The following DIXDC1 variants were observed in gnomAD, a reference collection of about 807,000 sequenced individuals.
The protein encoded by DIXDC1 is DIX domain containing 1.
In DIXDC1, 64 loss-of-function variants were observed where a neutral mutation model predicts 103.1. That is an observed-to-expected ratio of 0.62 (90% confidence interval 0.51 to 0.76). The LOEUF is 0.76. Among genes scored for constraint, DIXDC1 ranks in the 30% least tolerant of loss-of-function variants. DIXDC1 has a pLI of 0.00. For missense variants in DIXDC1, 759 were observed against 834.2 expected, an observed-to-expected ratio of 0.91 and a Z score of 1.11; for synonymous variants, 266 against 298.5, an observed-to-expected ratio of 0.89 and a Z score of 1.12.
In DIXDC1 at chr11:111,992,972, G is replaced by T. The variant is rs782668131; in HGVS notation, c.1240G>T (p.Asp414Tyr). The T allele has an allele frequency of 6.2e-7, 1 of 1,608,766 alleles. No individual in the cohort carries two copies. Among genetic ancestry groups the T allele is most frequent in the East Asian group, 2.2e-5 (1 of 44,826 alleles). The change falls in exon 12 of 20, where the codon GAT becomes TAT. Residue 414 changes from aspartate to tyrosine, a missense_variant. Around this residue, in one of 3 missense-constraint regions of DIXDC1, gnomAD observed 657 missense variants for 727.5 expected, o/e 0.90. Transcript: ENST00000440460. ...GCAGGTGGATCTGCAGAGGAAGCTA[G>T]ATGAGAGGAACCGGCTCTTGGGAGA... ...NQNVDLQRKL[D>Y]ERNRLLGEYK...
intron 1 of DIXDC1, among the ~76,000 whole-genome samples, chr11:111,941,901 C>T (rs587638539): frequency 4.0e-4 from 60 of 151,750 alleles, no homozygotes; most frequent in South Asian, 2.3e-3. Context: ...CTGGTCTCAT[C>T]TCCATAAGGG....
Position 111,958,259 on chromosome 11 carries a change from G to A in DIXDC1, c.61-6290G>A, listed in dbSNP as rs1284480607. ...ACCAGGCATCCCTGTGCTCTTGGGGGCCAGGAGCAGGCAGGAGCCCCAACC... is the reference window on the plus strand; with the variant it reads ...ACCAGGCATCCCTGTGCTCTTGGGGACCAGGAGCAGGCAGGAGCCCCAACC... On this transcript the variant is annotated intron_variant, in intron 1 of 19. Transcript: ENST00000440460. The surrounding 1 kb of genome is among the most constrained non-coding windows in gnomAD (Gnocchi z 4.2). 6.6e-6 allele frequency among the ~76,000 whole-genome samples: 1 copy of A among 152,076 alleles called. No individual in the cohort carries two copies. The highest frequency in any genetic ancestry group is 1.5e-5 in the Non-Finnish European group (1 of 67,980).
intron 17 of DIXDC1, among the ~76,000 whole-genome samples, chr11:112,006,186 G>A (rs1861231868): frequency 6.6e-6 from 1 of 152,092 alleles, no homozygotes; most frequent in African/African-American, 2.4e-5. Context: ...CTCACAGCTA[G>A]TGCAGCAGTC....
In DIXDC1 at chr11:111,958,305, G is replaced by T. The variant is rs1859456754; in HGVS notation, c.61-6244G>T. On this transcript the variant is annotated intron_variant, in intron 1 of 19. Coordinates refer to ENST00000440460, the MANE Select transcript of DIXDC1 (RefSeq NM_001037954.4). The surrounding 1 kb of genome is among the most constrained non-coding windows in gnomAD (Gnocchi z 4.2). ...CAACCCCTCAGGTATAGCTGCAGCT[G>T]CAGCTGCCCAAGCCACAGCTGTGGA... is the stretch of plus-strand genomic sequence containing the variant. Among the ~76,000 whole-genome samples the T allele has an allele frequency of 6.6e-6, 1 of 152,208 alleles. No individual in the cohort carries two copies. Among genetic ancestry groups the T allele is most frequent in the Admixed American group, 6.5e-5 (1 of 15,290 alleles).
In DIXDC1 at chr11:111,953,497, G is replaced by A. The variant is rs587725698; in HGVS notation, c.61-11052G>A. 1.8e-4 allele frequency among the ~76,000 whole-genome samples: 27 copies of A among 152,106 alleles called. 1 individual carries two copies. In the South Asian group the frequency reaches 5.6e-3, roughly 32 times the overall value. On this transcript the variant is annotated intron_variant, in intron 1 of 19. Coordinates refer to ENST00000440460, the MANE Select transcript of DIXDC1 (RefSeq NM_001037954.4). ...ACTAAAAATATAAAAAATTAGCCAG[G>A]CATGGTGGCACGTGCCTGTAATCCC...
intron 6 of DIXDC1, 78 bp from the exon 7 acceptor site, chr11:111,982,261 A>C (rs1860331516): frequency 6.6e-7 from 1 of 1,508,382 alleles, no homozygotes; most frequent in East Asian, 2.3e-5. Flanking sequence ...TGAACCTGTG[A>C]ACGCTACCCT....
At chr11:111,933,374 C>T (rs372698347), upstream of DIXDC1, among the ~76,000 whole-genome samples, 3 of 152,128 alleles carry the variant, frequency 2.0e-5, no homozygotes, top group African/African-American at 4.8e-5. Context: ...GTGATCTGCC[C>T]GCCTTCCGCC....
rs1461250253 is a variant in DIXDC1 at position 111,970,657 on chromosome 11, A to G, written c.316+2019A>G. Among the ~76,000 whole-genome samples, 8 of 147,690 alleles carry G rather than the reference A, an allele frequency of 5.4e-5. No homozygotes were observed. In the East Asian group the frequency reaches 5.9e-4, roughly 11 times the overall value. On this transcript the variant is annotated intron_variant, in intron 3 of 19. Transcript: ENST00000440460. ...AGCCTGGGCAACAGAGCGAAACTCT[A>G]TCTCAAAAAAAAAAAAAAAAGAACA...
chr11:111,938,046 C>G (rs1382250722), intron 1 of DIXDC1, among the ~76,000 whole-genome samples: 1 of 152,176 alleles, frequency 6.6e-6, no homozygotes, highest in African/African-American at 2.4e-5. Flanking sequence ...GTCTGAATCT[C>G]TTTCTGAGTG....
chr11:111,961,223 T>C (rs1341573708), intron 1 of DIXDC1, among the ~76,000 whole-genome samples: 4 of 152,190 alleles, frequency 2.6e-5, no homozygotes, highest in African/African-American at 9.6e-5. Context: ...AAGAGATTCA[T>C]GGATTGGATG....
chr11:111,951,941 C>T (rs1178504287), intron 1 of DIXDC1, among the ~76,000 whole-genome samples: 1 of 150,612 alleles, frequency 6.6e-6, no homozygotes, highest in Non-Finnish European at 1.5e-5. Context: ...TCTTGGCTTG[C>T]TGCGATTTCC....
At position 111,977,683 on chromosome 11, in the gene DIXDC1, C is replaced by CGTCT. The variant is rs1316292590; in HGVS notation, c.656+2700_656+2701insGTCT. 6.5e-7 allele frequency: 1 copy of CGTCT among 1,546,164 alleles called. No homozygotes were observed. The highest frequency in any genetic ancestry group is 2.0e-5 in the Admixed American group (1 of 50,794). Reference sequence around the variant, plus strand: ...GTTTTCCAGCCCCAGCGCGGGGAGACATGCCTGAATTTGGGAGCGATGTGA... The same window carrying CGTCT: ...GTTTTCCAGCCCCAGCGCGGGGAGACGTCTATGCCTGAATTTGGGAGCGATGTGA... On this transcript the variant is annotated intron_variant, in intron 5 of 19. Coordinates refer to ENST00000440460, the MANE Select transcript of DIXDC1 (RefSeq NM_001037954.4). The surrounding 1 kb of genome is among the most constrained non-coding windows in gnomAD (Gnocchi z 6.1).
intron 12 of DIXDC1, 39 bp downstream of exon 12, chr11:111,993,043 CTT>C: frequency 6.4e-7 from 1 of 1,568,074 alleles, no homozygotes; most frequent in South Asian, 1.2e-5. Flanking sequence ...CTTCCACTGA[CTT>C]TTCATGAACA....
intron 17 of DIXDC1, among the ~76,000 whole-genome samples, chr11:111,997,841 G>A (rs1157104234): frequency 6.6e-6 from 1 of 152,158 alleles, no homozygotes; most frequent in Non-Finnish European, 1.5e-5. Flanking sequence ...AGTGATAACT[G>A]TATTCACAAA....
In DIXDC1 at chr11:111,929,817, G is replaced by C. The variant is rs1965955962; in HGVS notation, c.-36-1G>C. 1 of 1,485,514 alleles carries C rather than the reference G, an allele frequency of 6.7e-7. No individual in the cohort carries two copies. Among genetic ancestry groups the C allele is most frequent in the Admixed American group, 2.1e-5 (1 of 46,566 alleles). 92.0% of individuals were successfully genotyped at this position (1,485,514 alleles called of 1,614,324 possible). ...TACATTTCTTATTCTTCCTGTTTTAGATGGCCCTGATTCGTCTCTTCTAGG... is the reference window on the plus strand; with the variant it reads ...TACATTTCTTATTCTTCCTGTTTTACATGGCCCTGATTCGTCTCTTCTAGG... On this transcript the variant is annotated splice_acceptor_variant, in intron 1 of 5. Transcript: ENST00000529225. LOFTEE classifies it low-confidence loss of function (5UTR_SPLICE).
At chr11:111,991,355 A>G (rs1255513379) in intron 10 of DIXDC1, among the ~76,000 whole-genome samples, 1 of 152,216 alleles carries the variant, frequency 6.6e-6, no homozygotes, top group Non-Finnish European at 1.5e-5. Context: ...TCTCCCATGT[A>G]ACATCATGTG....
intron 1 of DIXDC1, among the ~76,000 whole-genome samples, chr11:111,954,899 A>AAT (rs1174702004): frequency 6.6e-6 from 1 of 151,928 alleles, no homozygotes; most frequent in Non-Finnish European, 1.5e-5. Context: ...TATGTATGTA[A>AAT]ATATATATAT....
Position 112,017,594 on chromosome 11 carries a change from T to G in DIXDC1, c.1863-183T>G. 1 of 447,408 alleles carries G rather than the reference T, an allele frequency of 2.2e-6. No individual in the cohort carries two copies. The highest frequency in any genetic ancestry group is 4.0e-5 in the South Asian group (1 of 25,208). 27.7% of individuals were successfully genotyped at this position (447,408 alleles called of 1,614,324 possible). A position where few individuals can be genotyped will look rare whatever the true frequency, so the allele number is the denominator to read the frequency against. On this transcript the variant is annotated intron_variant, in intron 18 of 19. Transcript: ENST00000440460. The surrounding 1 kb of genome is among the most constrained non-coding windows in gnomAD (Gnocchi z 4.0). ...ACCCCATATTTAATACTGTTTTCATTCCCTAGTGATGACTGGTTCTCCAGC... is the reference window on the plus strand; with the variant it reads ...ACCCCATATTTAATACTGTTTTCATGCCCTAGTGATGACTGGTTCTCCAGC...
chr11:111,995,643 G>C, intron 16 of DIXDC1, 79 bp downstream of exon 16: 10 of 1,549,770 alleles, frequency 6.5e-6, no homozygotes, highest in Non-Finnish European at 8.8e-6. Flanking sequence ...TGAGATGAAG[G>C]CAGTGTGAAG....
Sources: allele counts gnomAD v4.1 joint callset (sites outside exome capture counted in the v4.1 genomes callset), GRCh38; gene constraint gnomAD v4.1.1; regional missense constraint gnomAD v4.1.1; non-coding constraint Gnocchi (gnomAD v3.1); transcripts MANE v1.5; gene names NCBI Gene and HGNC (gene_info 2026-07-23, HGNC 2026-07-21).